Variants in FTO observed in about 807,000 individuals in gnomAD.
FTO encodes FTO alpha-ketoglutarate dependent dioxygenase.
In FTO, 47 loss-of-function variants were observed where a neutral mutation model predicts 63.9. The ratio of observed to expected loss-of-function variants is 0.74; its 90% confidence interval spans 0.58 to 0.94. FTO has a LOEUF of 0.94. Ranked by LOEUF, FTO falls within the 40% of genes least tolerant of loss-of-function variation. FTO has a pLI of 0.00. For synonymous variants in FTO, 207 were observed against 224.4 expected (o/e 0.92, Z 0.69); for missense variants, 562 against 618.1 (o/e 0.91, Z 0.96).
At chr16:53,779,592 G>A (rs2077539134) in intron 1 of FTO, among the ~76,000 whole-genome samples, 1 of 152,116 alleles carries the variant, frequency 6.6e-6, no homozygotes, top group Admixed American at 6.5e-5. Flanking sequence ...GACTCATTTC[G>A]GGTACAATTT....
chr16:53,762,584 G>A (rs1024204316), intron 1 of FTO, among the ~76,000 whole-genome samples: 1 of 152,124 alleles, frequency 6.6e-6, no homozygotes, highest in African/African-American at 2.4e-5. Flanking sequence ...ATGCGAGGGT[G>A]GGGAGGAGAG....
At chr16:53,991,908 C>T (rs1190201645) in intron 8 of FTO, 4 of 152,136 alleles carry the variant, frequency 2.6e-5, no homozygotes, top group African/African-American at 9.7e-5. Context: ...TGAATGTTTA[C>T]ACAAGCCAGT....
At chr16:53,753,480 A>G (rs2076848234) in intron 1 of FTO, among the ~76,000 whole-genome samples, 1 of 151,128 alleles carries the variant, frequency 6.6e-6, no homozygotes, top group South Asian at 2.1e-4. Context: ...TGCTTGTCTT[A>G]TAACACTAAC....
chr16:54,035,278 A>G lies in FTO; in HGVS notation c.1365-76484A>G, dbSNP rs112546680. On this transcript the variant is annotated intron_variant, in intron 8 of 8. Transcript: ENST00000471389. Reference sequence around the variant, plus strand: ...TTTCCAAGATCATTCACATCCAGAAATGAAATGAAACCCCTACGAGGCTCC... The same window carrying G: ...TTTCCAAGATCATTCACATCCAGAAGTGAAATGAAACCCCTACGAGGCTCC... Among the ~76,000 whole-genome samples, 357 of 152,368 alleles carry G rather than the reference A, an allele frequency of 2.3e-3. 1 individual carries two copies. The highest frequency in any genetic ancestry group is 8.3e-3 in the African/African-American group (344 of 41,598).
chr16:53,845,038 C>A (rs899913693), intron 4 of FTO, among the ~76,000 whole-genome samples: 3 of 152,004 alleles, frequency 2.0e-5, no homozygotes, highest in Admixed American at 1.3e-4. Context: ...TGTGGTTAGG[C>A]CAACTGAAGC....
At chr16:53,897,498 CTT>C (rs763882261) in intron 7 of FTO, among the ~76,000 whole-genome samples, 2 of 152,142 alleles carry the variant, frequency 1.3e-5, no homozygotes, top group Non-Finnish European at 2.9e-5. Context: ...ATATAGCCCT[CTT>C]ATTAAATATT....
At position 53,862,538 on chromosome 16, in the gene FTO, CT is replaced by C. The variant is rs371654853; in HGVS notation, c.896-11232del. 1.6e-3 allele frequency among the ~76,000 whole-genome samples: 206 copies of C among 130,352 alleles called. 1 individual carries two copies. Among genetic ancestry groups the C allele is most frequent in the Admixed American group, 2.0e-3 (26 of 12,988 alleles). The allele number at this position is 130,352 out of a possible 152,430, so 85.5% of individuals were successfully genotyped here. A position where few individuals can be genotyped will look rare whatever the true frequency, so the allele number is the denominator to read the frequency against. On this transcript the variant is annotated intron_variant, in intron 4 of 8. Transcript: ENST00000471389. ...TATTCTTATATCTTTCTGTATCTTA[CT>C]TTTTTTTTTTTTTTTCAAGATGGAG...
chr16:53,812,413 T>TGG (rs2078558521), intron 2 of FTO, among the ~76,000 whole-genome samples: 2 of 151,810 alleles, frequency 1.3e-5, no homozygotes, highest in African/African-American at 4.8e-5. Flanking sequence ...AGTAGAGACA[T>TGG]GGTTTCACCA....
chr16:53,894,223 G>A (rs2081222702), intron 7 of FTO, among the ~76,000 whole-genome samples: 1 of 152,180 alleles, frequency 6.6e-6, no homozygotes. Context: ...CTTTTCCCCT[G>A]CTATTTTGGC....
At chr16:53,984,788 CTAAG>C (rs5816914) in intron 8 of FTO, 25,093 of 382,132 alleles carry the variant, frequency 0.066, 1,054 homozygotes, top group Non-Finnish European at 0.089. Context: ...AAGGCCTTGA[CTAAG>C]TCAGTGATAT....
At position 53,950,931 on chromosome 16, in the gene FTO, A is replaced by G. The variant is rs569882851; in HGVS notation, c.1364+16822A>G. Among the ~76,000 whole-genome samples, 11 of 152,318 alleles carry G rather than the reference A, an allele frequency of 7.2e-5. 1 individual carries two copies. In the South Asian group the frequency reaches 1.7e-3, roughly 23 times the overall value. On this transcript the variant is annotated intron_variant, in intron 8 of 8. Coordinates refer to ENST00000471389, the MANE Select transcript of FTO (RefSeq NM_001080432.3). ...GTGCACCTAGGCTCTTTCCTACAGA[A>G]GCAAACAGCTGTGTTGGCTTTACCG...
At chr16:53,805,462 TTGAGACAGA>T (rs894210159) in intron 1 of FTO, among the ~76,000 whole-genome samples, 4 of 123,248 alleles carry the variant, frequency 3.2e-5, no homozygotes, top group African/African-American at 1.2e-4. Flanking sequence ...TTTTTTTTTT[TTGAGACAGA>T]GAGTCTTATT....
chr16:53,980,133 A>G (rs1402452433), intron 8 of FTO, among the ~76,000 whole-genome samples: 4 of 152,222 alleles, frequency 2.6e-5, no homozygotes, highest in Non-Finnish European at 5.9e-5. Context: ...TAAGTCAAGA[A>G]GAACTGGTTA....
intron 1 of FTO, among the ~76,000 whole-genome samples, chr16:53,754,007 C>A (rs2076859624): frequency 6.6e-6 from 1 of 152,160 alleles, no homozygotes; most frequent in African/African-American, 2.4e-5. Flanking sequence ...TTATATCTTG[C>A]CTGTATCGTT....
intron 1 of FTO, among the ~76,000 whole-genome samples, chr16:53,788,085 A>G (rs925290172): frequency 1.3e-5 from 2 of 152,204 alleles, no homozygotes; most frequent in Non-Finnish European, 2.9e-5. Context: ...TGTCTGTCCC[A>G]TCAAGTGATG....
intron 1 of FTO, among the ~76,000 whole-genome samples, chr16:53,712,925 T>G (rs1035052813): frequency 4.0e-5 from 6 of 151,546 alleles, no homozygotes; most frequent in Admixed American, 3.3e-4. Context: ...GATGATAGTC[T>G]CCAAAAAAGT....
intron 8 of FTO, among the ~76,000 whole-genome samples, chr16:54,012,830 AG>A (rs1188056454): frequency 1.3e-5 from 2 of 150,602 alleles, no homozygotes; most frequent in Non-Finnish European, 3.0e-5. Flanking sequence ...CCTCCTTCTC[AG>A]AAAAAAAAAA....
In FTO at chr16:53,733,030, C is replaced by A; in HGVS notation, c.45+28801C>A. ...GACCTCAAACCATAGAGGGAGCCCC[C>A]CTTTTCTGTCTTTTTAAATTTAACC... On this transcript the variant is annotated intron_variant, in intron 1 of 8. Coordinates refer to ENST00000471389, the MANE Select transcript of FTO (RefSeq NM_001080432.3). 1.3e-5 allele frequency among the ~76,000 whole-genome samples: 2 copies of A among 152,330 alleles called. 1 individual carries two copies. The highest frequency in any genetic ancestry group is 6.8e-3 in the Middle Eastern group (2 of 292).
At chr16:53,789,784 ATATG>A (rs1411413209) in intron 1 of FTO, among the ~76,000 whole-genome samples, 8 of 150,530 alleles carry the variant, frequency 5.3e-5, no homozygotes, top group Non-Finnish European at 1.0e-4. Context: ...ACACACACAT[ATATG>A]TATGTATGTA....
Sources: gnomAD v4.1 joint callset for allele counts (sites outside exome capture counted in the v4.1 genomes callset) on GRCh38, gnomAD v4.1.1 for gene constraint, MANE v1.5 for transcripts, NCBI Gene and HGNC (gene_info 2026-07-23, HGNC 2026-07-21) for gene names.